Variants in MYO1B observed in about 807,000 individuals in gnomAD.
The protein encoded by MYO1B is unconventional myosin-Ib.
Under a neutral mutation model 159.7 loss-of-function variants are expected in MYO1B, and 72 were observed. The observed-to-expected ratio is 0.45, with a 90% confidence interval of 0.37 to 0.55. The LOEUF (loss-of-function observed/expected upper bound fraction) is 0.55, where lower values mean the gene tolerates loss of function less well. MYO1B is among the 20% of genes least tolerant of loss of function. The pLI is 0.00. For synonymous variants in MYO1B, 468 were observed against 473.8 expected (o/e 0.99, Z 0.16); for missense variants, 1,062 against 1,364.8 (o/e 0.78, Z 3.50).
chr2:191,283,661 C>G (rs1002325246), intron 2 of MYO1B, among the ~76,000 whole-genome samples: 1 of 152,174 alleles, frequency 6.6e-6, no homozygotes, highest in African/African-American at 2.4e-5. Context: ...TAACTGTCCA[C>G]GATCACACAG....
chr2:191,295,765 G>A (rs566954053), intron 2 of MYO1B, among the ~76,000 whole-genome samples: 2 of 152,266 alleles, frequency 1.3e-5, no homozygotes, highest in African/African-American at 2.4e-5. Flanking sequence ...GAATCAGGGA[G>A]AGCATGGCTC....
chr2:191,323,276 C>T (rs1419993540), intron 3 of MYO1B, among the ~76,000 whole-genome samples: 1 of 152,036 alleles, frequency 6.6e-6, no homozygotes, highest in Non-Finnish European at 1.5e-5. Context: ...TGACTTGTAT[C>T]TTGTGCTGAC....
At chr2:191,268,360 T>TG (rs1279959654) in intron 1 of MYO1B, among the ~76,000 whole-genome samples, 2 of 152,160 alleles carry the variant, frequency 1.3e-5, no homozygotes, top group Non-Finnish European at 2.9e-5. Context: ...AATCTCTTCA[T>TG]GGGGGCCTCA....
chr2:191,346,108 G>C (rs1692548040), intron 5 of MYO1B, 128 bp from the exon 6 acceptor site: 4 of 746,338 alleles, frequency 5.4e-6, no homozygotes, highest in Non-Finnish European at 6.4e-6. Flanking sequence ...GGAAGTTTTG[G>C]ACAGAAATAT....
chr2:191,395,789 A>G (rs1696035615), intron 20 of MYO1B, among the ~76,000 whole-genome samples: 1 of 152,210 alleles, frequency 6.6e-6, no homozygotes, highest in South Asian at 2.1e-4. Flanking sequence ...CATCTCTCCC[A>G]GGGTACTGTT....
intron 1 of MYO1B, among the ~76,000 whole-genome samples, chr2:191,257,405 CTGCCATTTTGGT>C (rs1409457307): frequency 6.6e-6 from 1 of 152,124 alleles, no homozygotes; most frequent in African/African-American, 2.4e-5. Context: ...ATCTGTGTTG[CTGCCATTTTGGT>C]ATATGTCAGA....
chr2:191,287,646 C>T (rs111330961), intron 2 of MYO1B, among the ~76,000 whole-genome samples: 2 of 152,188 alleles, frequency 1.3e-5, no homozygotes, highest in African/African-American at 4.8e-5. Flanking sequence ...CACAATATTT[C>T]AAATACATTG....
At chr2:191,412,548 A>G (rs891650926) in intron 27 of MYO1B, among the ~76,000 whole-genome samples, 21 of 152,214 alleles carry the variant, frequency 1.4e-4, no homozygotes, top group Non-Finnish European at 1.0e-4. Context: ...CACCCTGCAA[A>G]GTGGCAGCTC....
intron 2 of MYO1B, among the ~76,000 whole-genome samples, chr2:191,295,789 G>A (rs1479851272): frequency 6.6e-6 from 1 of 152,166 alleles, no homozygotes; most frequent in African/African-American, 2.4e-5. Flanking sequence ...CTTACAGTTA[G>A]CAGTAGTTTG....
At chr2:191,385,624 G>T (rs1234258475) in intron 15 of MYO1B, among the ~76,000 whole-genome samples, 2 of 152,054 alleles carry the variant, frequency 1.3e-5, no homozygotes, top group Non-Finnish European at 2.9e-5. Flanking sequence ...GCAACTCCCA[G>T]GTACTGTTGT....
intron 2 of MYO1B, among the ~76,000 whole-genome samples, chr2:191,293,990 C>G (rs1486538085): frequency 6.6e-6 from 1 of 152,038 alleles, no homozygotes; most frequent in Non-Finnish European, 1.5e-5. Context: ...TGGCTTGTAC[C>G]CTCCAATTAG....
chr2:191,276,923 C>T lies in MYO1B; in HGVS notation c.28C>T (p.Leu10Phe). Residue 10 changes from leucine to phenylalanine, a missense_variant, in exon 2 of 31, where the codon CTT becomes TTT. By Grantham distance (22) the Leu-to-Phe change is conservative. Coordinates refer to ENST00000392318, the MANE Select transcript of MYO1B (RefSeq NM_001130158.3). MAKMEVKTS[L>F]LDNMIGVGDM... ...GGCCAAAATGGAGGTGAAAACCTCA[C>T]TTCTGGACAATATGATTGGAGTTGG... The T allele has an allele frequency of 6.2e-7, 1 of 1,613,730 alleles. No individual in the cohort carries two copies. Among genetic ancestry groups the T allele is most frequent in the South Asian group, 1.1e-5 (1 of 91,038 alleles).
At chr2:191,420,156 T>C (rs1559254069) in intron 30 of MYO1B, among the ~76,000 whole-genome samples, 1 of 152,170 alleles carries the variant, frequency 6.6e-6, no homozygotes, top group African/African-American at 2.4e-5. Flanking sequence ...TGAGCCATGA[T>C]TGCTCCAGTG....
In MYO1B at chr2:191,353,250, G is replaced by C. The variant is rs62181192; in HGVS notation, c.562+3025G>C. Among the ~76,000 whole-genome samples, 1,147 of 151,046 alleles carry C rather than the reference G, an allele frequency of 7.6e-3. 9 individuals are homozygous for C. Among genetic ancestry groups the C allele is most frequent in the South Asian group, 0.015 (72 of 4,824 alleles). On this transcript the variant is annotated intron_variant, in intron 7 of 30. Transcript: ENST00000392318. ...GTGATGTTAAATAATATTTCTCCTA[G>C]TTTGTTAAGGTTTGTTGGTCTGATA...
At chr2:191,383,475 CACACACACAT>C (rs1417416537) in intron 15 of MYO1B, 133 bp downstream of exon 15, 5 of 6,962 alleles carry the variant, frequency 7.2e-4, no homozygotes, top group East Asian at 4.9e-3. Flanking sequence ...TATATATATA[CACACACACAT>C]ATATATGTGT....
intron 7 of MYO1B, among the ~76,000 whole-genome samples, chr2:191,351,221 T>A (rs1465555350): frequency 6.6e-6 from 1 of 151,430 alleles, no homozygotes; most frequent in Non-Finnish European, 1.5e-5. Flanking sequence ...GACTGAAGTA[T>A]CCAAAGTGTG....
intron 13 of MYO1B, chr2:191,370,942 T>C (rs1694325184): frequency 6.6e-6 from 1 of 152,256 alleles, no homozygotes; most frequent in East Asian, 1.9e-4. Context: ...CCATTTGTGC[T>C]TGGTTAAGCA....
At chr2:191,310,293 C>T (rs1205772308) in intron 3 of MYO1B, among the ~76,000 whole-genome samples, 1 of 152,184 alleles carries the variant, frequency 6.6e-6, no homozygotes, top group African/African-American at 2.4e-5. Context: ...GCCTCCACCT[C>T]CTGGGTTCAA....
At chr2:191,401,630 G>A (rs1696622620) in intron 23 of MYO1B, 1 of 152,194 alleles carries the variant, frequency 6.6e-6, no homozygotes, top group South Asian at 2.1e-4. Context: ...ACAGAGTCCT[G>A]TGTTTTGAAG....
Sources: gnomAD v4.1 joint callset for allele counts (sites outside exome capture counted in the v4.1 genomes callset) on GRCh38, gnomAD v4.1.1 for gene constraint, MANE v1.5 for transcripts, NCBI Gene and HGNC (gene_info 2026-07-23, HGNC 2026-07-21) for gene names.